The following RHBDD1 variants were observed in gnomAD, a reference collection of about 807,000 sequenced individuals.
The protein encoded by RHBDD1 is rhomboid-related protein 4.
RHBDD1 carries 38 observed loss-of-function variants against 36.3 expected under a neutral mutation model. The ratio of observed to expected loss-of-function variants is 1.05; its 90% confidence interval spans 0.81 to 1.37. The LOEUF (loss-of-function observed/expected upper bound fraction) is 1.37. RHBDD1 is among the 40% of genes most tolerant of loss of function. RHBDD1 has a pLI of 0.00. For synonymous variants in RHBDD1, 151 were observed against 136.5 expected (o/e 1.11, Z -0.74); for missense variants, 393 against 377.6 (o/e 1.04, Z -0.34).
At chr2:226,933,535 A>T (rs1950158908) in intron 8 of RHBDD1, among the ~76,000 whole-genome samples, 1 of 151,998 alleles carries the variant, frequency 6.6e-6, no homozygotes, top group Non-Finnish European at 1.5e-5. Flanking sequence ...ATTTGGCCGA[A>T]ATTTTTTCAC....
At chr2:226,915,561 A>G (rs141521099) in intron 8 of RHBDD1, among the ~76,000 whole-genome samples, 109 of 152,294 alleles carry the variant, frequency 7.2e-4, no homozygotes, top group African/African-American at 2.5e-3. Context: ...AAGATTGAGC[A>G]CCAATCAGGT....
chr2:226,969,842 T>C (rs961946612), intron 8 of RHBDD1, among the ~76,000 whole-genome samples: 6 of 152,232 alleles, frequency 3.9e-5, no homozygotes, highest in African/African-American at 1.4e-4. Flanking sequence ...TTTCTTGGTT[T>C]GTTTTCTTGT....
At chr2:226,988,560 G>C in intron 8 of RHBDD1, 5 of 1,390,698 alleles carry the variant, frequency 3.6e-6, no homozygotes, top group Admixed American at 6.5e-5. Context: ...CTGCGGACTG[G>C]TGTGGAATCT....
rs138115676 is a variant in RHBDD1, at chr2:226,909,471, G to T, written c.712+593G>T. On this transcript the variant is annotated intron_variant, in intron 7 of 8. Transcript: ENST00000392062. ...ATTTTAGATCAGGCCCAGCAGCCAGGTGTTAGCCATGGCCATTGGAACACT... is the reference window on the plus strand; with the variant it reads ...ATTTTAGATCAGGCCCAGCAGCCAGTTGTTAGCCATGGCCATTGGAACACT... Among the ~76,000 whole-genome samples, 10 of 152,290 alleles carry T rather than the reference G, an allele frequency of 6.6e-5. No homozygotes were observed. In the East Asian group the frequency reaches 1.9e-3, roughly 29 times the overall value.
chr2:226,927,278 G>T (rs1252476050), intron 8 of RHBDD1, among the ~76,000 whole-genome samples: 2 of 151,784 alleles, frequency 1.3e-5, no homozygotes, highest in African/African-American at 2.4e-5. Context: ...TAACTATATT[G>T]ATAATTTTTT....
chr2:226,964,103 C>G (rs1465089969), intron 8 of RHBDD1, among the ~76,000 whole-genome samples: 1 of 152,172 alleles, frequency 6.6e-6, no homozygotes. Context: ...TCTCTCCTCT[C>G]CTATCTTGAG....
chr2:226,818,203 A>G, the RHBDD1 span, among the ~76,000 whole-genome samples: 6 of 123,152 alleles, frequency 4.9e-5, no homozygotes, highest in East Asian at 2.4e-4. Flanking sequence ...TCTGTCGCCC[A>G]GGCTGGAGTG....
At chr2:226,986,669 A>C (rs1405683455) in intron 8 of RHBDD1, among the ~76,000 whole-genome samples, 1 of 152,276 alleles carries the variant, frequency 6.6e-6, no homozygotes, top group Non-Finnish European at 1.5e-5. Flanking sequence ...ATCACTAAAA[A>C]GTCAGGAAAC....
chr2:226,913,123 C>T (rs1328390606), intron 7 of RHBDD1, among the ~76,000 whole-genome samples: 2 of 152,110 alleles, frequency 1.3e-5, no homozygotes, highest in African/African-American at 4.8e-5. Context: ...GCAATTCTGC[C>T]ATTCAGTGTT....
intron 8 of RHBDD1, among the ~76,000 whole-genome samples, chr2:226,919,546 C>A (rs184626334): frequency 1.8e-4 from 28 of 152,128 alleles, no homozygotes; most frequent in African/African-American, 5.8e-4. Context: ...ATATGGATAT[C>A]CAGTTCCCTC....
chr2:226,865,347 G>A lies in RHBDD1; in HGVS notation c.433+221G>A, dbSNP rs1184703796. Among the ~76,000 whole-genome samples, 4 of 152,202 alleles carry A rather than the reference G, an allele frequency of 2.6e-5. No homozygotes were observed. The South Asian group carries it at 6.2e-4, about 24-fold the overall frequency. The stretch of plus-strand genomic sequence containing the variant: ...TAGTCTGCACTAGGACCTGCTGGAA[G>A]GTGGTTTTGTAGAAGACATAGTATT... On this transcript the variant is annotated intron_variant, in intron 4 of 8. Transcript: ENST00000392062.
At position 226,882,495 on chromosome 2, in the gene RHBDD1, T is replaced by G. The variant is rs116367689; in HGVS notation, c.566+15177T>G. The stretch of plus-strand genomic sequence containing the variant: ...GAAAAAGAAATGATAAGATGGGTTG[T>G]TTTTTGTGGGAGATAGAAGACATAG... On this transcript the variant is annotated intron_variant, in intron 5 of 8. Coordinates refer to ENST00000392062, the MANE Select transcript of RHBDD1 (RefSeq NM_001167608.3). 7.0e-3 allele frequency among the ~76,000 whole-genome samples: 1,059 copies of G among 151,392 alleles called. 12 individuals are homozygous for G. Among genetic ancestry groups the G allele is most frequent in the South Asian group, 0.042 (201 of 4,778 alleles).
At chr2:226,934,004 T>TA (rs1950190985) in intron 8 of RHBDD1, among the ~76,000 whole-genome samples, 1 of 152,088 alleles carries the variant, frequency 6.6e-6, no homozygotes, top group African/African-American at 2.4e-5. Context: ...TTACCAATAA[T>TA]ACTGAGTTTT....
chr2:226,953,654 G>A (rs1015520825), intron 8 of RHBDD1, among the ~76,000 whole-genome samples: 3 of 152,132 alleles, frequency 2.0e-5, no homozygotes, highest in Non-Finnish European at 2.9e-5. Flanking sequence ...AGTAAGGCAC[G>A]TGCTGACCAT....
At chr2:226,836,768 C>CT (rs1941018477) in intron 1 of RHBDD1, among the ~76,000 whole-genome samples, 1 of 152,152 alleles carries the variant, frequency 6.6e-6, no homozygotes, top group South Asian at 2.1e-4. Context: ...CCAGGCTTTT[C>CT]TTTTTTCTCT....
chr2:226,906,588 T>C (rs1053908812), intron 5 of RHBDD1: 10 of 1,127,704 alleles, frequency 8.9e-6, no homozygotes, highest in Non-Finnish European at 1.2e-6. Context: ...TTTAAACATG[T>C]GGTGGTTGTT....
intron 5 of RHBDD1, among the ~76,000 whole-genome samples, chr2:226,897,394 G>A (rs984691689): frequency 6.6e-6 from 1 of 152,140 alleles, no homozygotes; most frequent in Non-Finnish European, 1.5e-5. Context: ...GACCTTGTTT[G>A]TCTTGTTAGT....
intron 5 of RHBDD1, among the ~76,000 whole-genome samples, chr2:226,889,930 A>T (rs1946552830): frequency 6.6e-6 from 1 of 152,192 alleles, no homozygotes; most frequent in Non-Finnish European, 1.5e-5. Context: ...CTGTAAAATG[A>T]GACCAATAAT....
At chr2:226,892,481 A>G (rs1433982661) in intron 5 of RHBDD1, among the ~76,000 whole-genome samples, 1 of 152,212 alleles carries the variant, frequency 6.6e-6, no homozygotes, top group Admixed American at 6.5e-5. Flanking sequence ...CTTTTTGTAC[A>G]TGCGATACAC....
Sources: gnomAD v4.1 joint callset for allele counts (sites outside exome capture counted in the v4.1 genomes callset) on GRCh38, gnomAD v4.1.1 for gene constraint, MANE v1.5 for transcripts, NCBI Gene and HGNC (gene_info 2026-07-23, HGNC 2026-07-21) for gene names.